CALD1: variants seen among roughly 807,000 people sequenced by gnomAD.
CALD1 encodes the protein caldesmon.
Under a neutral mutation model 99.9 loss-of-function variants are expected in CALD1, and 33 were observed. The ratio of observed to expected loss-of-function variants is 0.33; its 90% CI spans 0.25 to 0.44. The LOEUF (loss-of-function observed/expected upper bound fraction) is 0.44. Ranked by LOEUF, CALD1 falls within the 20% of genes least tolerant of loss-of-function variation. The probability of loss-of-function intolerance (pLI) is 1.00; values close to 1 mark genes in which losing one functional copy is unlikely to be tolerated. For missense variants in CALD1, 861 were observed against 962.1 expected (o/e 0.89, Z 1.39); for synonymous variants, 310 against 325.0 (o/e 0.95, Z 0.50).
At chr7:134,802,769 T>C (rs1797993967) in intron 1 of CALD1, among the ~76,000 whole-genome samples, 1 of 152,220 alleles carries the variant, frequency 6.6e-6, no homozygotes, top group Non-Finnish European at 1.5e-5. Context: ...AATCTGAAAT[T>C]TGAAGTACAC....
At chr7:134,727,288 G>A in the CALD1 span, among the ~76,000 whole-genome samples, 1 of 152,250 alleles carries the variant, frequency 6.6e-6, no homozygotes, top group Non-Finnish European at 1.5e-5. Flanking sequence ...TGCTTTGCAA[G>A]TCAAACAGGC....
At chr7:134,820,812 G>A (rs1329387392) in intron 1 of CALD1, among the ~76,000 whole-genome samples, 1 of 152,174 alleles carries the variant, frequency 6.6e-6, no homozygotes, top group Non-Finnish European at 1.5e-5. Context: ...ACTGTAGGAA[G>A]TGTTGACTTC....
chr7:134,942,042 T>G (rs2133067837), intron 7 of CALD1, among the ~76,000 whole-genome samples: 1 of 152,296 alleles, frequency 6.6e-6, no homozygotes, highest in African/African-American at 2.4e-5. Flanking sequence ...GGCTACGTGA[T>G]TCCTGTGCTC....
intron 7 of CALD1, 132 bp from the exon 8 acceptor site, chr7:134,947,376 C>G (rs541611911): frequency 5.6e-6 from 5 of 898,450 alleles, no homozygotes; most frequent in African/African-American, 3.3e-5. Context: ...CTTCCCCAGC[C>G]TACCCCCTGG....
At chr7:134,760,189 G>A (rs1401998088) in intron 1 of CALD1, among the ~76,000 whole-genome samples, 1 of 152,216 alleles carries the variant, frequency 6.6e-6, no homozygotes, top group Non-Finnish European at 1.5e-5. Context: ...CAAGATTACA[G>A]AGGGACTTAT....
chr7:134,848,666 C>G (rs1224959267), intron 2 of CALD1, among the ~76,000 whole-genome samples: 1 of 152,162 alleles, frequency 6.6e-6, no homozygotes, highest in Non-Finnish European at 1.5e-5. Flanking sequence ...GGAGTATTTT[C>G]TCCAAGTTCC....
rs146737472 is a variant in CALD1, at chr7:134,909,871, C to T, written c.72-18883C>T. 1.8e-4 allele frequency among the ~76,000 whole-genome samples: 27 copies of T among 152,052 alleles called. No homozygotes were observed. The East Asian group carries it at 4.8e-3, about 27-fold the overall frequency. On this transcript the variant is annotated intron_variant, in intron 3 of 14. Transcript: ENST00000361675. The stretch of plus-strand genomic sequence containing the variant: ...CCAATAAAAGGTACAAAAGAAACTA[C>T]AAAATAAATTTAAAAACAGAGAATC...
intron 1 of CALD1, among the ~76,000 whole-genome samples, chr7:134,767,305 T>C (rs556432793): frequency 6.6e-6 from 1 of 152,022 alleles, no homozygotes; most frequent in Non-Finnish European, 1.5e-5. Flanking sequence ...GTTTGCTTAG[T>C]CCAAACAGCC....
Position 134,850,831 on chromosome 7 carries a change from G to A in CALD1, c.-42+6860G>A, listed in dbSNP as rs1006904061. ...ATGTGTCATGGGAGGGACCAGGTGG[G>A]AAGTAATTGAATCTTGGGAGTGGGT... On this transcript the variant is annotated intron_variant, in intron 2 of 14. Coordinates refer to ENST00000361675, the MANE Select transcript of CALD1 (RefSeq NM_033138.4). Among the ~76,000 whole-genome samples the A allele has an allele frequency of 2.6e-5, 4 of 152,186 alleles. No homozygotes were observed. The East Asian group carries it at 5.8e-4, about 22-fold the overall frequency.
At chr7:134,748,333 C>A (rs1054986290) in intron 1 of CALD1, among the ~76,000 whole-genome samples, 1 of 152,208 alleles carries the variant, frequency 6.6e-6, no homozygotes. Context: ...AGATGAGACC[C>A]TGGACTTCAG....
chr7:134,831,460 A>G (rs1227726287), intron 1 of CALD1, among the ~76,000 whole-genome samples: 1 of 152,048 alleles, frequency 6.6e-6, no homozygotes, highest in Admixed American at 6.6e-5. Flanking sequence ...CTGGGATTAC[A>G]GGTGCCCACC....
the CALD1 span, among the ~76,000 whole-genome samples, chr7:134,715,018 T>C: frequency 7.9e-5 from 12 of 152,234 alleles, no homozygotes; most frequent in Non-Finnish European, 1.6e-4. Flanking sequence ...TGCGTTTTCC[T>C]TATTAGTTGG....
Position 134,814,003 on chromosome 7 carries a change from C to T in CALD1, c.-129-29881C>T, listed in dbSNP as rs557432627. Among the ~76,000 whole-genome samples, 12 of 152,154 alleles carry T rather than the reference C, an allele frequency of 7.9e-5. No individual in the cohort carries two copies. In the East Asian group the frequency reaches 1.9e-3, roughly 24 times the overall value. On this transcript the variant is annotated intron_variant, in intron 1 of 14. Coordinates refer to ENST00000361675, the MANE Select transcript of CALD1 (RefSeq NM_033138.4). ...TGATCACAGACATGAATGTTGAAAT[C>T]GCTGAGAATTATGGCAGAAGTAGCA...
chr7:134,719,723 A>G, the CALD1 span, among the ~76,000 whole-genome samples: 1 of 152,142 alleles, frequency 6.6e-6, no homozygotes, highest in Non-Finnish European at 1.5e-5. Flanking sequence ...TGTGTGTGCA[A>G]AAAAGAGCTT....
Position 134,761,171 on chromosome 7 carries a change from A to T in CALD1, c.-130+16808A>T, listed in dbSNP as rs1020456920. Among the ~76,000 whole-genome samples the T allele has an allele frequency of 7.9e-5, 12 of 152,322 alleles. No individual in the cohort carries two copies. In the South Asian group the frequency reaches 2.1e-3, roughly 26 times the overall value. On this transcript the variant is annotated intron_variant, in intron 1 of 13. Coordinates refer to the CALD1 transcript ENST00000417172. ...TCTGAAAACAAATTTTACCTTCTCC[A>T]CAGTTTCATCTAAAATTGGCTCTGC...
intron 14 of CALD1, among the ~76,000 whole-genome samples, chr7:134,966,442 C>T (rs946761013): frequency 1.2e-4 from 18 of 152,222 alleles, no homozygotes; most frequent in African/African-American, 3.4e-4. Flanking sequence ...TAACTACTAG[C>T]GCTACAAGTG....
chr7:134,841,963 C>T (rs1007888733), intron 1 of CALD1, among the ~76,000 whole-genome samples: 1 of 152,178 alleles, frequency 6.6e-6, no homozygotes, highest in Non-Finnish European at 1.5e-5. Flanking sequence ...GTGTTTTTAG[C>T]CTAGATGTCT....
At chr7:134,823,740 TCTGA>T (rs536367868) in intron 1 of CALD1, among the ~76,000 whole-genome samples, 3 of 152,218 alleles carry the variant, frequency 2.0e-5, no homozygotes, top group Non-Finnish European at 4.4e-5. Flanking sequence ...GCCTTTGATG[TCTGA>T]CTTTGAAAAA....
At chr7:134,895,225 C>G (rs1802477817) in intron 3 of CALD1, among the ~76,000 whole-genome samples, 1 of 151,176 alleles carries the variant, frequency 6.6e-6, no homozygotes, top group African/African-American at 2.4e-5. Context: ...TTAGGAATGC[C>G]TGGCTTATTC....
Sources: allele counts gnomAD v4.1 joint callset (sites outside exome capture counted in the v4.1 genomes callset), GRCh38; gene constraint gnomAD v4.1.1; transcripts MANE v1.5; gene names NCBI Gene and HGNC (gene_info 2026-07-23, HGNC 2026-07-21).